CPED1: variants seen among roughly 807,000 people sequenced by gnomAD.
The protein encoded by CPED1 is cadherin like and PC-esterase domain containing 1, also known as cadherin-like and PC-esterase domain-containing protein 1.
A neutral mutation model predicts 128.2 loss-of-function variants in CPED1; 114 were observed. The observed-to-expected ratio is 0.89, with a 90% CI of 0.76 to 1.04. The LOEUF is 1.04. Ranked by LOEUF, CPED1 falls within the 50% of genes least tolerant of loss-of-function variation. The pLI is 0.00. For synonymous variants in CPED1, 462 were observed against 426.7 expected (o/e 1.08, Z -1.02); for missense variants, 1,211 against 1,207.1 (o/e 1.00, Z -0.05).
chr7:121,049,574 G>A (rs569974822), intron 4 of CPED1, among the ~76,000 whole-genome samples: 1 of 152,204 alleles, frequency 6.6e-6, no homozygotes, highest in Non-Finnish European at 1.5e-5. Flanking sequence ...GACCTGGAGG[G>A]CCAAGTGGTG....
At chr7:121,262,339 T>G (rs552864018) in intron 18 of CPED1, among the ~76,000 whole-genome samples, 1 of 151,992 alleles carries the variant, frequency 6.6e-6, no homozygotes, top group African/African-American at 2.4e-5. Context: ...GACAGACTAA[T>G]GTAACAATTT....
At chr7:121,141,400 T>A (rs781117546) in intron 15 of CPED1, among the ~76,000 whole-genome samples, 1 of 152,080 alleles carries the variant, frequency 6.6e-6, no homozygotes, top group Non-Finnish European at 1.5e-5. Flanking sequence ...CTGGCTTTTT[T>A]TCCTATTGAT....
At chr7:121,234,669 A>G (rs916906111) in intron 16 of CPED1, among the ~76,000 whole-genome samples, 5 of 46,710 alleles carry the variant, frequency 1.1e-4, no homozygotes, top group African/African-American at 5.5e-4. Context: ...CTGCCAGTCC[A>G]GGAACACATT....
rs188678901 is a variant in CPED1 at position 121,196,825 on chromosome 7, T to C, written c.2056-39889T>C. Among the ~76,000 whole-genome samples the C allele has an allele frequency of 3.3e-4, 50 of 152,224 alleles. No homozygotes were observed. The East Asian group carries it at 9.7e-3, about 30-fold the overall frequency. ...TTCTTTTTTTTTTTCAGCTTTATTT[T>C]TAAACCTTTTCCCACAAGTCTAGCT... On this transcript the variant is annotated intron_variant, in intron 16 of 22. Transcript: ENST00000310396.
chr7:121,133,774 C>T lies in CPED1; in HGVS notation c.1578-49C>T, dbSNP rs374435942. Reference sequence around the variant, plus strand: ...TAGTGTGTTAGATGTAATTTCCACGCGTTTTGTTCATTTCATTAATCCAGA... The same window carrying T: ...TAGTGTGTTAGATGTAATTTCCACGTGTTTTGTTCATTTCATTAATCCAGA... On this transcript the variant is annotated intron_variant, in intron 12 of 22. Transcript: ENST00000310396. 3.1e-4 allele frequency: 377 copies of T among 1,219,966 alleles called. No homozygotes were observed. The African/African-American group carries it at 4.9e-3, about 16-fold the overall frequency. The allele number at this position is 1,219,966 out of a possible 1,614,324, so 75.6% of individuals were successfully genotyped here. A position where few individuals can be genotyped will look rare whatever the true frequency, so the allele number is the denominator to read the frequency against.
intron 16 of CPED1, among the ~76,000 whole-genome samples, chr7:121,193,257 A>G (rs1276228490): frequency 6.6e-6 from 1 of 152,166 alleles, no homozygotes. Flanking sequence ...CAAATGTTTG[A>G]TGAAAAAATT....
At chr7:121,219,908 A>G (rs1454823763) in intron 16 of CPED1, among the ~76,000 whole-genome samples, 1 of 152,108 alleles carries the variant, frequency 6.6e-6, no homozygotes, top group African/African-American at 2.4e-5. Flanking sequence ...CACAAAAAAT[A>G]GAATAACTTA....
At chr7:121,209,026 C>T (rs557460904) in intron 16 of CPED1, among the ~76,000 whole-genome samples, 2 of 152,114 alleles carry the variant, frequency 1.3e-5, no homozygotes, top group African/African-American at 4.8e-5. Flanking sequence ...AGATCTTATT[C>T]ATTCCAAGGA....
chr7:121,139,151 G>A (rs1795846570), intron 14 of CPED1, among the ~76,000 whole-genome samples: 1 of 151,832 alleles, frequency 6.6e-6, no homozygotes, highest in Non-Finnish European at 1.5e-5. Flanking sequence ...ACATCTATCA[G>A]CCAGATACTA....
chr7:121,058,899 A>G (rs1176791264), intron 4 of CPED1, among the ~76,000 whole-genome samples: 1 of 152,238 alleles, frequency 6.6e-6, no homozygotes, highest in African/African-American at 2.4e-5. Flanking sequence ...ATGAACAAAG[A>G]GAGGACACTG....
At chr7:121,175,741 A>C (rs1584570522) in intron 16 of CPED1, among the ~76,000 whole-genome samples, 1 of 152,132 alleles carries the variant, frequency 6.6e-6, no homozygotes, top group African/African-American at 2.4e-5. Context: ...AGTTAAAATA[A>C]ACTTTGAATT....
chr7:121,262,786 G>C (rs1459861685), intron 18 of CPED1, among the ~76,000 whole-genome samples: 1 of 151,500 alleles, frequency 6.6e-6, no homozygotes, highest in Non-Finnish European at 1.5e-5. Context: ...GGTTGAATAG[G>C]AATCATATAA....
chr7:121,281,043 A>C (rs1054635863), intron 22 of CPED1, among the ~76,000 whole-genome samples: 7 of 152,316 alleles, frequency 4.6e-5, no homozygotes, highest in South Asian at 2.1e-4. Context: ...AGCATCCTCT[A>C]ATCCAGTATA....
chr7:121,083,974 A>G (rs1332560065), intron 5 of CPED1, among the ~76,000 whole-genome samples: 1 of 152,212 alleles, frequency 6.6e-6, no homozygotes, highest in Non-Finnish European at 1.5e-5. Flanking sequence ...TTTTTTCAAT[A>G]AGTATCTCCA....
chr7:121,088,853 T>G (rs1379355490), intron 5 of CPED1, among the ~76,000 whole-genome samples: 1 of 147,394 alleles, frequency 6.8e-6, no homozygotes, highest in Non-Finnish European at 1.5e-5. Context: ...GCACTTCAGA[T>G]AGGAAGGCCC....
Position 121,142,115 on chromosome 7 carries a change from G to T in CPED1, c.2029G>T (p.Ala677Ser), listed in dbSNP as rs753772438. 4 of 1,611,590 alleles carry T rather than the reference G, an allele frequency of 2.5e-6. No individual in the cohort carries two copies. In the South Asian group the frequency reaches 3.3e-5, roughly 13 times the overall value. ...CCGCCCAAGTCTGCCCTTGTTTGAG[G>T]CCTTCACAGCATGTGGTTTTGTGCA... ...EDRPSLPLFEAFTACGFVQDC... is the reference protein window; with the variant it reads ...EDRPSLPLFESFTACGFVQDC... The change falls in exon 16 of 23, where the codon GCC becomes TCC. Residue 677 changes from alanine to serine, a missense_variant. Ala to Ser is a moderately conservative substitution (Grantham distance 99). Transcript: ENST00000310396.
intron 17 of CPED1, among the ~76,000 whole-genome samples, chr7:121,237,565 A>C (rs1798287202): frequency 6.6e-6 from 1 of 152,100 alleles, no homozygotes; most frequent in South Asian, 2.1e-4. Context: ...CTTCCCCAGC[A>C]ATCTTCTTTC....
chr7:121,053,480 G>A (rs28754913), intron 4 of CPED1, among the ~76,000 whole-genome samples: 4,308 of 152,142 alleles, frequency 0.028, 225 homozygotes, highest in African/African-American at 0.098. Context: ...AATATCAAGG[G>A]GCATATGATG....
At chr7:121,096,009 A>C (rs570842509) in intron 5 of CPED1, among the ~76,000 whole-genome samples, 3 of 152,270 alleles carry the variant, frequency 2.0e-5, no homozygotes, top group East Asian at 3.9e-4. Context: ...CTATTTAGTA[A>C]AATTTTAATT....
Sources: allele counts gnomAD v4.1 joint callset (sites outside exome capture counted in the v4.1 genomes callset), GRCh38; gene constraint gnomAD v4.1.1; transcripts MANE v1.5; gene names NCBI Gene and HGNC (gene_info 2026-07-23, HGNC 2026-07-21).